TMEM132C: variants seen among roughly 807,000 people sequenced by gnomAD.
TMEM132C encodes transmembrane protein 132C, also known as protein phosphatase 1, regulatory subunit 152.
A neutral mutation model predicts 61.4 loss-of-function variants in TMEM132C; 29 were observed. That is an observed-to-expected ratio of 0.47 (90% CI 0.35 to 0.64). The LOEUF is 0.64. Ranked by LOEUF, TMEM132C falls within the 30% of genes least tolerant of loss-of-function variation. The probability of loss-of-function intolerance (pLI) is 0.00; values close to 1 mark genes in which losing one functional copy is unlikely to be tolerated. For synonymous variants in TMEM132C, 656 were observed against 633.1 expected, an observed-to-expected ratio of 1.04 and a Z score of -0.54; for missense variants, 1,408 against 1,476.9, an observed-to-expected ratio of 0.95 and a Z score of 0.76.
chr12:128,377,932 C>G (rs1874250908), intron 1 of TMEM132C, among the ~76,000 whole-genome samples: 1 of 152,140 alleles, frequency 6.6e-6, no homozygotes, highest in South Asian at 2.1e-4. Context: ...AACTCTGTAT[C>G]TCTGCCCTCG....
rs1870596624 is a variant in TMEM132C, at chr12:128,463,085, C to T, written c.974+47465C>T. The stretch of plus-strand genomic sequence containing the variant: ...AGGAGAGGAGACATCCTGGCCAAAG[C>T]TATGACTTTTATTCTTATCAGAAAA... On this transcript the variant is annotated intron_variant, in intron 2 of 8. Coordinates refer to ENST00000435159, the MANE Select transcript of TMEM132C (RefSeq NM_001136103.3). Among the ~76,000 whole-genome samples the T allele has an allele frequency of 2.6e-5, 4 of 152,166 alleles. No individual in the cohort carries two copies. In the South Asian group the frequency reaches 8.3e-4, roughly 32 times the overall value.
chr12:128,645,359 ATCCCC>A (rs1954188310), intron 4 of TMEM132C, among the ~76,000 whole-genome samples: 1 of 152,162 alleles, frequency 6.6e-6, no homozygotes, highest in African/African-American at 2.4e-5. Flanking sequence ...GCCACCTGGC[ATCCCC>A]TCGCCAGCAT....
At chr12:128,666,321 G>A (rs986608501) in intron 4 of TMEM132C, among the ~76,000 whole-genome samples, 11 of 141,792 alleles carry the variant, frequency 7.8e-5, no homozygotes, top group African/African-American at 2.1e-4. Flanking sequence ...CCATAAACAC[G>A]CAGGCACTCA....
chr12:128,585,644 G>T (rs1875516959), intron 3 of TMEM132C, among the ~76,000 whole-genome samples: 1 of 152,242 alleles, frequency 6.6e-6, no homozygotes, highest in Non-Finnish European at 1.5e-5. Flanking sequence ...CAATGATCTG[G>T]AACATTCTCT....
rs1284500502 is a variant in TMEM132C, at chr12:128,434,911, C to T, written c.974+19291C>T. 6.6e-5 allele frequency among the ~76,000 whole-genome samples: 10 copies of T among 152,164 alleles called. No homozygotes were observed. In the South Asian group the frequency reaches 1.5e-3, roughly 22 times the overall value. On this transcript the variant is annotated intron_variant, in intron 2 of 8. Transcript: ENST00000435159. ...TGCTGGGATTGCAGGTGTGAGCCACCGCAGCCGGCCCATATAATTTATATT... is the reference window on the plus strand; with the variant it reads ...TGCTGGGATTGCAGGTGTGAGCCACTGCAGCCGGCCCATATAATTTATATT...
At chr12:128,636,371 T>G (rs1593128378) in intron 4 of TMEM132C, among the ~76,000 whole-genome samples, 1 of 152,170 alleles carries the variant, frequency 6.6e-6, no homozygotes. Context: ...TTTTTAAAAA[T>G]AACTTTATTG....
intron 1 of TMEM132C, among the ~76,000 whole-genome samples, chr12:128,329,818 T>C (rs1265556843): frequency 2.0e-5 from 3 of 152,178 alleles, no homozygotes; most frequent in South Asian, 4.1e-4. Context: ...TGAGAAGATA[T>C]GTTCCTCAAA....
intron 1 of TMEM132C, among the ~76,000 whole-genome samples, chr12:128,350,810 C>T (rs1360041296): frequency 1.3e-5 from 2 of 151,742 alleles, no homozygotes; most frequent in African/African-American, 4.8e-5. Flanking sequence ...CTAGGCTTGG[C>T]CTGGTAATTG....
At chr12:128,631,679 A>C (rs935413760) in intron 4 of TMEM132C, among the ~76,000 whole-genome samples, 1 of 152,220 alleles carries the variant, frequency 6.6e-6, no homozygotes. Context: ...CTTCAGGCAC[A>C]GTTGGTTCCA....
intron 1 of TMEM132C, among the ~76,000 whole-genome samples, chr12:128,283,196 A>G (rs1488411151): frequency 1.3e-5 from 2 of 152,220 alleles, no homozygotes. Flanking sequence ...TGCTCACAAT[A>G]TCACAGGTTT....
At chr12:128,493,300 T>A (rs966775092) in intron 2 of TMEM132C, among the ~76,000 whole-genome samples, 1 of 152,206 alleles carries the variant, frequency 6.6e-6, no homozygotes, top group African/African-American at 2.4e-5. Flanking sequence ...TCCAGCTTTG[T>A]TCCTTTGGCT....
intron 4 of TMEM132C, among the ~76,000 whole-genome samples, chr12:128,663,221 C>T (rs766122311): frequency 6.6e-6 from 1 of 152,234 alleles, no homozygotes; most frequent in African/African-American, 2.4e-5. Context: ...CAAAAGGAGA[C>T]GTCGTACCCA....
Position 128,570,776 on chromosome 12 carries a change from T to G in TMEM132C, c.1121+26673T>G, listed in dbSNP as rs767562037. 2.6e-5 allele frequency among the ~76,000 whole-genome samples: 4 copies of G among 152,166 alleles called. No individual in the cohort carries two copies. The highest frequency in any genetic ancestry group is 2.6e-4 in the Admixed American group (4 of 15,274). ...GAAGATGTATGGCTAAGGCAATAAGTAGGTGAAGGCTGGCGCTGTTTGCCT... is the reference window on the plus strand; with the variant it reads ...GAAGATGTATGGCTAAGGCAATAAGGAGGTGAAGGCTGGCGCTGTTTGCCT... On this transcript the variant is annotated intron_variant, in intron 3 of 8. Coordinates refer to ENST00000435159, the MANE Select transcript of TMEM132C (RefSeq NM_001136103.3). This position sits in a 1 kb window ranked among gnomAD's most constrained non-coding sequence, Gnocchi z 4.7.
intron 2 of TMEM132C, among the ~76,000 whole-genome samples, chr12:128,504,967 C>T (rs200340234): frequency 8.8e-6 from 1 of 113,054 alleles, no homozygotes. Context: ...ATTTTGGGGA[C>T]TTTACTTACT....
At chr12:128,513,131 A>G (rs1353134789) in intron 2 of TMEM132C, among the ~76,000 whole-genome samples, 2 of 152,142 alleles carry the variant, frequency 1.3e-5, no homozygotes, top group Non-Finnish European at 2.9e-5. Flanking sequence ...TGCAGTTGCC[A>G]GAATGGACCC....
At chr12:128,463,151 T>C (rs1565943390) in intron 2 of TMEM132C, among the ~76,000 whole-genome samples, 8 of 152,196 alleles carry the variant, frequency 5.3e-5, no homozygotes. Flanking sequence ...CCTCCAATTA[T>C]ATATCACCAA....
intron 2 of TMEM132C, among the ~76,000 whole-genome samples, chr12:128,433,428 G>A (rs2136040407): frequency 6.6e-6 from 1 of 152,174 alleles, no homozygotes; most frequent in South Asian, 2.1e-4. Context: ...ACTGCTTCTG[G>A]CTTGATGCTG....
chr12:128,539,277 C>A (rs570389412), intron 2 of TMEM132C, among the ~76,000 whole-genome samples: 2 of 152,316 alleles, frequency 1.3e-5, no homozygotes, highest in South Asian at 4.1e-4. Flanking sequence ...AACACATGCT[C>A]AAGTAGGTTC....
chr12:128,486,453 A>G (rs986288680), intron 2 of TMEM132C, among the ~76,000 whole-genome samples: 1 of 152,118 alleles, frequency 6.6e-6, no homozygotes, highest in Non-Finnish European at 1.5e-5. Context: ...AGGAGAGTCT[A>G]CAAGCTAAGA....
Sources: allele counts gnomAD v4.1 joint callset (sites outside exome capture counted in the v4.1 genomes callset), GRCh38; gene constraint gnomAD v4.1.1; non-coding constraint Gnocchi (gnomAD v3.1); transcripts MANE v1.5; gene names NCBI Gene and HGNC (gene_info 2026-07-23, HGNC 2026-07-21).